GALNTL6: variants seen among roughly 807,000 people sequenced by gnomAD.
The protein encoded by GALNTL6 is polypeptide N-acetylgalactosaminyltransferase-like 6.
A neutral mutation model predicts 73.7 loss-of-function variants in GALNTL6; 46 were observed. The ratio of observed to expected loss-of-function variants is 0.62; its 90% CI spans 0.49 to 0.80. The LOEUF is 0.80. Among genes scored for constraint, GALNTL6 ranks in the 30% least tolerant of loss-of-function variants. GALNTL6 has a pLI of 0.00. For missense variants in GALNTL6, 604 were observed against 755.0 expected (o/e 0.80, Z 2.34); for synonymous variants, 259 against 263.7 (o/e 0.98, Z 0.17).
intron 10 of GALNTL6, among the ~76,000 whole-genome samples, chr4:172,955,370 C>T (rs1405578891): frequency 1.3e-5 from 2 of 151,796 alleles, no homozygotes; most frequent in African/African-American, 2.4e-5. Context: ...CCCAGCTACT[C>T]GGGAGGCTGA....
chr4:172,450,503 T>C (rs141849824), intron 5 of GALNTL6, among the ~76,000 whole-genome samples: 41 of 152,184 alleles, frequency 2.7e-4, no homozygotes, highest in African/African-American at 9.2e-4. Flanking sequence ...TTTTGTCCCT[T>C]GCATTTAGTT....
At chr4:172,585,250 A>T (rs532190106) in intron 5 of GALNTL6, among the ~76,000 whole-genome samples, 220 of 151,102 alleles carry the variant, frequency 1.5e-3, no homozygotes, top group African/African-American at 3.6e-3. Flanking sequence ...TTTTTTTTTT[A>T]AATTTTACTT....
chr4:171,844,864 C>T lies in GALNTL6; in HGVS notation c.138+30146C>T, dbSNP rs542304571. On this transcript the variant is annotated intron_variant, in intron 2 of 12. Transcript: ENST00000506823. Reference sequence around the variant, plus strand: ...GTGGCAGGGACTTTCTTTGGAGATGCTTGTTTCCAGCTGATTGAGATCTCT... The same window carrying T: ...GTGGCAGGGACTTTCTTTGGAGATGTTTGTTTCCAGCTGATTGAGATCTCT... 3.9e-5 allele frequency among the ~76,000 whole-genome samples: 6 copies of T among 152,240 alleles called. No individual in the cohort carries two copies. In the South Asian group the frequency reaches 1.2e-3, roughly 32 times the overall value.
intron 5 of GALNTL6, among the ~76,000 whole-genome samples, chr4:172,514,432 C>T (rs373866591): frequency 1.3e-5 from 2 of 152,158 alleles, no homozygotes; most frequent in African/African-American, 4.8e-5. Context: ...CCTGCTGTGC[C>T]CCTCCAGCAG....
intron 2 of GALNTL6, among the ~76,000 whole-genome samples, chr4:172,060,530 G>T (rs1017381329): frequency 6.6e-6 from 1 of 151,516 alleles, no homozygotes; most frequent in African/African-American, 2.4e-5. Context: ...TTTATGATCT[G>T]AATCTGCATG....
chr4:172,706,057 C>T (rs893185137), intron 5 of GALNTL6, among the ~76,000 whole-genome samples: 3 of 152,044 alleles, frequency 2.0e-5, no homozygotes, highest in African/African-American at 7.2e-5. Context: ...TTTGAATAAG[C>T]TTTCTACCCC....
chr4:172,546,877 A>C (rs1197828147), intron 5 of GALNTL6, among the ~76,000 whole-genome samples: 1 of 109,618 alleles, frequency 9.1e-6, no homozygotes, highest in African/African-American at 3.5e-5. Flanking sequence ...AATAATTTTT[A>C]AGCGTACAGT....
At chr4:172,175,135 G>A (rs1734950932) in intron 2 of GALNTL6, among the ~76,000 whole-genome samples, 1 of 150,704 alleles carries the variant, frequency 6.6e-6, no homozygotes, top group South Asian at 2.1e-4. Context: ...GGAGTACAGT[G>A]GCATGATCTC....
intron 5 of GALNTL6, among the ~76,000 whole-genome samples, chr4:172,469,449 TAA>T: frequency 6.9e-6 from 1 of 145,656 alleles, no homozygotes; most frequent in Middle Eastern, 3.6e-3. Context: ...CTACAAAAAA[TAA>T]AAAAAAAAAA....
At chr4:172,476,053 G>C (rs1733218701) in intron 5 of GALNTL6, among the ~76,000 whole-genome samples, 1 of 152,202 alleles carries the variant, frequency 6.6e-6, no homozygotes, top group African/African-American at 2.4e-5. Context: ...TAGTTCCTTA[G>C]ACTGCACCTA....
At chr4:171,845,344 G>T (rs1327897798) in intron 2 of GALNTL6, among the ~76,000 whole-genome samples, 1 of 152,118 alleles carries the variant, frequency 6.6e-6, no homozygotes, top group Non-Finnish European at 1.5e-5. Context: ...TGGACCGAAA[G>T]AAAAACTTGA....
chr4:172,912,103 C>G (rs1038447292), intron 8 of GALNTL6, among the ~76,000 whole-genome samples: 6 of 152,214 alleles, frequency 3.9e-5, no homozygotes, highest in Non-Finnish European at 8.8e-5. Context: ...GCCCCCCACA[C>G]AAGAGGTATT....
At chr4:172,229,513 G>A (rs1008440258) in intron 2 of GALNTL6, 143 bp from the exon 3 acceptor site, 6 of 595,684 alleles carry the variant, frequency 1.0e-5, no homozygotes, top group Non-Finnish European at 1.8e-5. Flanking sequence ...GGTCACCAGC[G>A]ATAGCTTTCT....
intron 5 of GALNTL6, among the ~76,000 whole-genome samples, chr4:172,638,276 T>C (rs989941580): frequency 6.6e-6 from 1 of 152,152 alleles, no homozygotes; most frequent in Non-Finnish European, 1.5e-5. Context: ...AGAAGCTAGA[T>C]TGGCAGAGAG....
At chr4:171,854,959 G>A (rs748907348) in intron 2 of GALNTL6, among the ~76,000 whole-genome samples, 3 of 152,120 alleles carry the variant, frequency 2.0e-5, no homozygotes, top group African/African-American at 4.8e-5. Context: ...TAGCTGAGAC[G>A]ACATCCTGGC....
intron 12 of GALNTL6, among the ~76,000 whole-genome samples, chr4:173,024,279 T>C (rs1753139385): frequency 6.6e-6 from 1 of 152,248 alleles, no homozygotes; most frequent in Non-Finnish European, 1.5e-5. Flanking sequence ...CAGCTTTTTG[T>C]AGCTGTTGGT....
intron 2 of GALNTL6, among the ~76,000 whole-genome samples, chr4:172,130,116 G>A (rs762174307): frequency 6.6e-6 from 1 of 151,740 alleles, no homozygotes; most frequent in African/African-American, 2.4e-5. Context: ...TGGTTACAAG[G>A]ATCAATAGCA....
At position 172,104,093 on chromosome 4, in the gene GALNTL6, A is replaced by G. The variant is rs374260808; in HGVS notation, c.139-125563A>G. 3.5e-3 allele frequency among the ~76,000 whole-genome samples: 524 copies of G among 151,524 alleles called. 3 individuals are homozygous for G. Among genetic ancestry groups the G allele is most frequent in the African/African-American group, 0.012 (486 of 41,316 alleles). ...CGAGTAGCTGGGACTACAGGCGCCC[A>G]CCACCACGCCTGGCTAATTTTTTTG... On this transcript the variant is annotated intron_variant, in intron 2 of 12. Transcript: ENST00000506823.
At chr4:172,942,237 T>C (rs1348516792) in intron 9 of GALNTL6, among the ~76,000 whole-genome samples, 1 of 152,226 alleles carries the variant, frequency 6.6e-6, no homozygotes, top group East Asian at 1.9e-4. Flanking sequence ...ACCCCTGTCA[T>C]GGGCATTTAG....
Sources: gnomAD v4.1 joint callset for allele counts (sites outside exome capture counted in the v4.1 genomes callset) on GRCh38, gnomAD v4.1.1 for gene constraint, MANE v1.5 for transcripts, NCBI Gene and HGNC (gene_info 2026-07-23, HGNC 2026-07-21) for gene names.